RBFOX1: variants seen among roughly 807,000 people sequenced by gnomAD.
RBFOX1 encodes RNA binding fox-1 homolog 1.
Under a neutral mutation model 57.7 loss-of-function variants are expected in RBFOX1, and 8 were observed. The observed-to-expected ratio is 0.14, with a 90% confidence interval of 0.08 to 0.25. The LOEUF is 0.25. Among genes scored for constraint, RBFOX1 ranks in the 10% least tolerant of loss-of-function variants. RBFOX1 has a pLI of 1.00. For synonymous variants in RBFOX1, 326 were observed against 222.4 expected, an observed-to-expected ratio of 1.47 and a Z score of -4.15; for missense variants, 611 against 548.5, an observed-to-expected ratio of 1.11 and a Z score of -1.14.
chr16:5,797,040 C>T (rs896271310), intron 3 of RBFOX1, among the ~76,000 whole-genome samples: 1 of 152,000 alleles, frequency 6.6e-6, no homozygotes, highest in South Asian at 2.1e-4. Context: ...TAATAAGTGC[C>T]ATAAAGAAAA....
At chr16:5,954,288 T>G (rs1016690400) in intron 4 of RBFOX1, among the ~76,000 whole-genome samples, 3 of 152,072 alleles carry the variant, frequency 2.0e-5, no homozygotes, top group African/African-American at 7.2e-5. Context: ...TCTGGAGAGA[T>G]GGACAGGCCC....
chr16:6,730,861 A>C (rs2068389999), intron 3 of RBFOX1, among the ~76,000 whole-genome samples: 1 of 152,212 alleles, frequency 6.6e-6, no homozygotes, highest in Non-Finnish European at 1.5e-5. Context: ...AAAGATTCCC[A>C]GACCCCACCC....
At chr16:5,449,134 C>A (rs546321453) in intron 1 of RBFOX1, among the ~76,000 whole-genome samples, 1 of 152,254 alleles carries the variant, frequency 6.6e-6, no homozygotes, top group East Asian at 1.9e-4. Flanking sequence ...GACGAGGCTA[C>A]CCAAAAGTCA....
intron 4 of RBFOX1, among the ~76,000 whole-genome samples, chr16:7,449,839 C>T (rs560333395): frequency 3.3e-5 from 5 of 150,746 alleles, no homozygotes; most frequent in African/African-American, 1.2e-4. Context: ...GTAAAGTGTT[C>T]TTCCCATGAG....
chr16:7,709,950 C>T (rs1326459161), intron 15 of RBFOX1: 24 of 1,016,056 alleles, frequency 2.4e-5, no homozygotes, highest in Non-Finnish European at 2.7e-5. Context: ...AAATGAATCC[C>T]CATAGGCATT....
intron 1 of RBFOX1, among the ~76,000 whole-genome samples, chr16:5,399,407 G>A (rs562615968): frequency 2.9e-4 from 44 of 152,238 alleles, no homozygotes; most frequent in Middle Eastern, 3.4e-3. Flanking sequence ...AATTTTTCTC[G>A]TAGAAAATTT....
intron 4 of RBFOX1, among the ~76,000 whole-genome samples, chr16:5,899,572 A>G (rs986844420): frequency 1.3e-5 from 2 of 152,226 alleles, no homozygotes; most frequent in African/African-American, 4.8e-5. Flanking sequence ...AAAGAGCTGG[A>G]TATTGAGCAA....
intron 4 of RBFOX1, among the ~76,000 whole-genome samples, chr16:7,469,311 C>A (rs1567336061): frequency 6.6e-6 from 1 of 152,070 alleles, no homozygotes; most frequent in African/African-American, 2.4e-5. Context: ...ATCTGCCCGC[C>A]TCGGCCTCCC....
At chr16:7,238,418 A>G (rs748472774) in intron 4 of RBFOX1, among the ~76,000 whole-genome samples, 16 of 152,192 alleles carry the variant, frequency 1.1e-4, no homozygotes, top group Non-Finnish European at 1.5e-4. Flanking sequence ...CTAAGTTCCC[A>G]AAACAGATTC....
intron 3 of RBFOX1, among the ~76,000 whole-genome samples, chr16:6,840,862 G>T (rs1316742583): frequency 7.1e-6 from 1 of 140,038 alleles, no homozygotes; most frequent in Non-Finnish European, 1.5e-5. Flanking sequence ...ACTCTAGCCT[G>T]GGCGACGAAA....
At chr16:6,404,461 C>G (rs1301542715) in intron 2 of RBFOX1, among the ~76,000 whole-genome samples, 1 of 152,090 alleles carries the variant, frequency 6.6e-6, no homozygotes, top group Non-Finnish European at 1.5e-5. Context: ...TGCAATTTTC[C>G]CCTAAAGTAA....
At chr16:5,904,222 A>G (rs1165851446) in intron 4 of RBFOX1, among the ~76,000 whole-genome samples, 1 of 152,020 alleles carries the variant, frequency 6.6e-6, no homozygotes, top group Non-Finnish European at 1.5e-5. Context: ...CAAGCCTTGA[A>G]ATTCTTCCCA....
chr16:5,930,090 T>C (rs1452164595), intron 4 of RBFOX1, among the ~76,000 whole-genome samples: 2 of 151,160 alleles, frequency 1.3e-5, no homozygotes, highest in African/African-American at 4.9e-5. Context: ...GGGTTTGCGT[T>C]TGTGAAAGTT....
intron 3 of RBFOX1, among the ~76,000 whole-genome samples, chr16:6,679,846 G>T (rs1293804110): frequency 6.8e-6 from 1 of 147,360 alleles, no homozygotes; most frequent in Non-Finnish European, 1.5e-5. Flanking sequence ...ACAAACACTG[G>T]GACCTTCTAC....
chr16:7,483,006 C>G (rs2064399064), intron 4 of RBFOX1, among the ~76,000 whole-genome samples: 1 of 152,112 alleles, frequency 6.6e-6, no homozygotes, highest in African/African-American at 2.4e-5. Flanking sequence ...CTGATTTTCC[C>G]AGGTCATGAA....
chr16:5,268,074 A>C (rs2062907081), intron 1 of RBFOX1, among the ~76,000 whole-genome samples: 1 of 151,664 alleles, frequency 6.6e-6, no homozygotes, highest in Non-Finnish European at 1.5e-5. Flanking sequence ...GCGAGATTCC[A>C]TGTCAAAAAA....
intron 5 of RBFOX1, among the ~76,000 whole-genome samples, chr16:7,529,160 C>G (rs1409166846): frequency 6.6e-6 from 1 of 152,118 alleles, no homozygotes; most frequent in Non-Finnish European, 1.5e-5. Context: ...GCTCGGGAGG[C>G]TGAGGCAGAA....
At chr16:5,798,083 G>T (rs770076663) in intron 3 of RBFOX1, among the ~76,000 whole-genome samples, 4 of 152,154 alleles carry the variant, frequency 2.6e-5, no homozygotes, top group Non-Finnish European at 5.9e-5. Flanking sequence ...GTGTCTTTGG[G>T]CATGTTACTT....
intron 13 of RBFOX1, among the ~76,000 whole-genome samples, chr16:7,669,110 G>A (rs990292984): frequency 2.0e-5 from 3 of 152,130 alleles, no homozygotes; most frequent in African/African-American, 7.2e-5. Context: ...CGCCATGTTG[G>A]CCAGGCTGGT....
Sources: gnomAD v4.1 joint callset for allele counts (sites outside exome capture counted in the v4.1 genomes callset) on GRCh38, gnomAD v4.1.1 for gene constraint, MANE v1.5 for transcripts, NCBI Gene and HGNC (gene_info 2026-07-23, HGNC 2026-07-21) for gene names.